Variants in TRAPPC9 observed in about 807,000 individuals in gnomAD.
TRAPPC9 encodes trafficking protein particle complex subunit 9, also known as IKK2 binding protein.
TRAPPC9 carries 83 observed loss-of-function variants against 124.0 expected under a neutral mutation model. That is an observed-to-expected ratio of 0.67 (90% CI 0.56 to 0.80). The LOEUF is 0.80. Ranked by LOEUF, TRAPPC9 falls within the 30% of genes least tolerant of loss-of-function variation. TRAPPC9 has a pLI of 0.00. For missense variants in TRAPPC9, 1,302 were observed against 1,508.3 expected (o/e 0.86, Z 2.27); for synonymous variants, 638 against 617.5 (o/e 1.03, Z -0.49).
intron 9 of TRAPPC9, among the ~76,000 whole-genome samples, chr8:140,316,499 T>A (rs2066447235): frequency 1.3e-5 from 2 of 152,208 alleles, no homozygotes; most frequent in South Asian, 4.1e-4. Context: ...TTTTTCTGCT[T>A]CTATAGAAAT....
chr8:140,093,856 C>T (rs560702114), intron 17 of TRAPPC9, among the ~76,000 whole-genome samples: 1 of 152,152 alleles, frequency 6.6e-6, no homozygotes, highest in Non-Finnish European at 1.5e-5. Flanking sequence ...CATGGCCACA[C>T]ACCTAATTTC....
intron 14 of TRAPPC9, among the ~76,000 whole-genome samples, chr8:140,279,962 G>T (rs774778838): frequency 5.9e-5 from 9 of 152,198 alleles, no homozygotes; most frequent in Non-Finnish European, 8.8e-5. Flanking sequence ...CCGCCCTTTT[G>T]CTGGAGCGCT....
At chr8:140,368,517 T>G (rs1371770478) in intron 8 of TRAPPC9, among the ~76,000 whole-genome samples, 2 of 152,154 alleles carry the variant, frequency 1.3e-5, no homozygotes, top group African/African-American at 4.8e-5. Context: ...GGGAACTTGA[T>G]GGGACTTGGG....
intron 21 of TRAPPC9, among the ~76,000 whole-genome samples, chr8:139,842,477 C>G (rs1055934148): frequency 2.0e-5 from 3 of 152,212 alleles, no homozygotes; most frequent in Non-Finnish European, 4.4e-5. Context: ...ATACTGGCTT[C>G]GATCGCACAG....
At chr8:139,854,919 C>T (rs1827707831) in intron 21 of TRAPPC9, among the ~76,000 whole-genome samples, 2 of 152,216 alleles carry the variant, frequency 1.3e-5, no homozygotes, top group African/African-American at 4.8e-5. Context: ...ACCTGGCTAC[C>T]CCCTTCCTGG....
At chr8:140,058,909 C>T (rs1563728850) in intron 17 of TRAPPC9, among the ~76,000 whole-genome samples, 4 of 152,090 alleles carry the variant, frequency 2.6e-5, no homozygotes, top group African/African-American at 9.7e-5. Flanking sequence ...TCTCAGACTC[C>T]GCTGCATACT....
chr8:140,076,936 C>T (rs140802595), intron 17 of TRAPPC9, among the ~76,000 whole-genome samples: 1 of 152,284 alleles, frequency 6.6e-6, no homozygotes, highest in East Asian at 1.9e-4. Flanking sequence ...GAGGCTGAGG[C>T]AGAAGGATGG....
intron 16 of TRAPPC9, among the ~76,000 whole-genome samples, chr8:140,228,813 T>A (rs1250115771): frequency 6.6e-6 from 1 of 152,172 alleles, no homozygotes; most frequent in East Asian, 1.9e-4. Context: ...AACAAATATT[T>A]TTTAAAAACT....
intron 18 of TRAPPC9, among the ~76,000 whole-genome samples, chr8:140,019,542 CTTTTTTTTTTTT>C (rs71320340): frequency 1.5e-3 from 65 of 43,862 alleles, no homozygotes; most frequent in Admixed American, 7.5e-3. Context: ...TAATTTGTGT[CTTTTTTTTTTTT>C]TTTTTTTTTT....
rs1474399553 is a variant in TRAPPC9 at position 140,182,989 on chromosome 8, C to T, written c.2556+38470G>A. On this transcript the variant is annotated intron_variant, in intron 17 of 22. Coordinates refer to ENST00000438773, the MANE Select transcript of TRAPPC9 (RefSeq NM_001160372.4). This position sits in a 1 kb window ranked among gnomAD's most constrained non-coding sequence, Gnocchi z 4.0. The stretch of plus-strand genomic sequence containing the variant: ...AAACTAGAAGCCTCCATATACATCA[C>T]CTCCCTTATTTCTCACAGAAAACTC... Among the ~76,000 whole-genome samples the T allele has an allele frequency of 6.6e-6, 1 of 151,930 alleles. No individual in the cohort carries two copies. The highest frequency in any genetic ancestry group is 2.4e-5 in the African/African-American group (1 of 41,302).
intron 7 of TRAPPC9, among the ~76,000 whole-genome samples, chr8:140,387,513 C>G (rs2068786258): frequency 6.6e-6 from 1 of 151,940 alleles, no homozygotes; most frequent in Non-Finnish European, 1.5e-5. Context: ...ACAATGAACT[C>G]AAACAAATTT....
At chr8:140,127,692 TA>T (rs1171208183) in intron 17 of TRAPPC9, among the ~76,000 whole-genome samples, 4 of 152,204 alleles carry the variant, frequency 2.6e-5, no homozygotes, top group African/African-American at 9.6e-5. Flanking sequence ...CAACAAACAT[TA>T]AAGGAGATAC....
intron 7 of TRAPPC9, among the ~76,000 whole-genome samples, chr8:140,381,463 C>T (rs1244759052): frequency 4.6e-5 from 7 of 151,802 alleles, no homozygotes; most frequent in Non-Finnish European, 1.0e-4. Flanking sequence ...GTCAGGAGAT[C>T]GAGTCCATCT....
chr8:140,366,706 T>A (rs1452415041), intron 8 of TRAPPC9, among the ~76,000 whole-genome samples: 3 of 152,284 alleles, frequency 2.0e-5, no homozygotes, highest in African/African-American at 4.8e-5. Flanking sequence ...GTATAACCCA[T>A]CAAAGAAAGA....
At position 139,794,760 on chromosome 8, in the gene TRAPPC9, G is replaced by A. The variant is rs117389467; in HGVS notation, c.3056-62558C>T. Among the ~76,000 whole-genome samples, 48 of 152,290 alleles carry A rather than the reference G, an allele frequency of 3.2e-4. No individual in the cohort carries two copies. In the Middle Eastern group the frequency reaches 0.01, roughly 32 times the overall value. ...CCCTGCCATCCTCAGAGGGGCTGGC[G>A]AGGACGAGTGCTCAGTAAAGACAGC... On this transcript the variant is annotated intron_variant, in intron 21 of 22. Coordinates refer to ENST00000438773, the MANE Select transcript of TRAPPC9 (RefSeq NM_001160372.4).
chr8:140,282,534 T>A (rs1228353905), intron 14 of TRAPPC9, among the ~76,000 whole-genome samples: 1 of 145,274 alleles, frequency 6.9e-6, no homozygotes, highest in Admixed American at 6.9e-5. Flanking sequence ...GCCACGGCAC[T>A]CCAGCCTGGG....
In TRAPPC9 at chr8:140,241,973, C is replaced by T. The variant is rs988509575; in HGVS notation, c.2431+10804G>A. 1.3e-5 allele frequency among the ~76,000 whole-genome samples: 2 copies of T among 152,192 alleles called. No individual in the cohort carries two copies. Among genetic ancestry groups the T allele is most frequent in the African/African-American group, 4.8e-5 (2 of 41,516 alleles). ...GAGCTCGAGCTCTGCCACCACAGGA[C>T]ATGGAGGGAGGGGACACTCAAGGGC... On this transcript the variant is annotated intron_variant, in intron 16 of 22. Coordinates refer to ENST00000438773, the MANE Select transcript of TRAPPC9 (RefSeq NM_001160372.4). The surrounding 1 kb of genome is among the most constrained non-coding windows in gnomAD (Gnocchi z 5.0).
At chr8:140,453,401 C>T (rs559105516) in intron 1 of TRAPPC9, among the ~76,000 whole-genome samples, 23 of 148,130 alleles carry the variant, frequency 1.6e-4, no homozygotes, top group African/African-American at 5.5e-4. Flanking sequence ...GCAGTAAAAC[C>T]CTCCCAGGTG....
chr8:140,064,306 A>G (rs950211528), intron 17 of TRAPPC9, among the ~76,000 whole-genome samples: 1 of 152,156 alleles, frequency 6.6e-6, no homozygotes, highest in African/African-American at 2.4e-5. Context: ...ACATTCATCG[A>G]TGTATACCTA....
Sources: allele counts gnomAD v4.1 joint callset (sites outside exome capture counted in the v4.1 genomes callset), GRCh38; gene constraint gnomAD v4.1.1; non-coding constraint Gnocchi (gnomAD v3.1); transcripts MANE v1.5; gene names NCBI Gene and HGNC (gene_info 2026-07-23, HGNC 2026-07-21).